Variants in GUCY1B1 observed in about 807,000 individuals in gnomAD.
GUCY1B1 encodes guanylate cyclase 1 soluble subunit beta 1, also known as guanylate cyclase soluble subunit beta-1.
GUCY1B1 carries 43 observed loss-of-function variants against 71.0 expected under a neutral mutation model. The observed-to-expected ratio is 0.61, with a 90% confidence interval of 0.47 to 0.78. The LOEUF (loss-of-function observed/expected upper bound fraction) is 0.78, where lower values mean the gene tolerates loss of function less well. GUCY1B1 is among the 30% of genes least tolerant of loss of function. The pLI is 0.00. For synonymous variants in GUCY1B1, 266 were observed against 259.7 expected, an observed-to-expected ratio of 1.02 and a Z score of -0.23; for missense variants, 535 against 754.1, an observed-to-expected ratio of 0.71 and a Z score of 3.40.
At position 155,793,357 on chromosome 4, in the gene GUCY1B1, G is replaced by A. The variant is rs192052426; in HGVS notation, c.496-499G>A. ...CTCCCAAAGTGCTAGGATTACAGGC[G>A]TGAGCCACTGCACCTGGCCTGGTAT... On this transcript the variant is annotated intron_variant, in intron 5 of 13. Coordinates refer to ENST00000264424, the MANE Select transcript of GUCY1B1 (RefSeq NM_000857.5). Among the ~76,000 whole-genome samples the A allele has an allele frequency of 2.7e-3, 413 of 152,266 alleles. 3 individuals carry two copies. The highest frequency in any genetic ancestry group is 5.8e-3 in the South Asian group (28 of 4,824).
In GUCY1B1 at chr4:155,802,504, C is replaced by T. The variant is rs146343051; in HGVS notation, c.1338C>T (p.Ile446=). Residue 446 remains isoleucine, a synonymous_variant, in exon 10 of 14, where the codon ATC becomes ATT. Transcript: ENST00000264424. This position sits in a 1 kb window ranked among gnomAD's most constrained non-coding sequence, Gnocchi z 4.3. ...KHASGEGAMK[I]VNLLNDLYTR... ...CATCTGGAGAAGGAGCCATGAAGAT[C>T]GTCAACCTCCTCAACGACCTCTACA... is the stretch of plus-strand genomic sequence containing the variant. 2.0e-4 allele frequency: 319 copies of T among 1,612,514 alleles called. 1 individual carries two copies. In the East Asian group the frequency reaches 5.7e-3, roughly 29 times the overall value.
At position 155,793,950 on chromosome 4, in the gene GUCY1B1, G is replaced by A. The variant is rs776233110; in HGVS notation, c.590G>A (p.Arg197Lys). 1 of 1,600,372 alleles carries A rather than the reference G, an allele frequency of 6.2e-7. No individual in the cohort carries two copies. Among genetic ancestry groups the A allele is most frequent in the East Asian group, 2.2e-5 (1 of 44,800 alleles). The change falls in exon 6 of 14, where the codon AGA (arginine) becomes AAA (lysine). Residue 197 changes from arginine (R) to lysine (K), a missense_variant. Arg to Lys is a conservative substitution (Grantham distance 26). Coordinates refer to ENST00000264424, the MANE Select transcript of GUCY1B1 (RefSeq NM_000857.5). ...GAGGATTTTTATGAAGATCTTGACA[G>A]ATTTGAAGAAAATGGTACCCAGGAA... ...KEEDFYEDLD[R>K]FEENGTQESR... is the part of the protein sequence containing the mutation.
At chr4:155,781,323 T>C (rs1202596458) in intron 4 of GUCY1B1, among the ~76,000 whole-genome samples, 1 of 152,206 alleles carries the variant, frequency 6.6e-6, no homozygotes, top group Non-Finnish European at 1.5e-5. Context: ...ATCTGTAGCT[T>C]AGCTCCAGAA....
At chr4:155,787,125 G>A (rs879867015) in intron 4 of GUCY1B1, among the ~76,000 whole-genome samples, 9 of 152,098 alleles carry the variant, frequency 5.9e-5, no homozygotes, top group Non-Finnish European at 8.8e-5. Context: ...CTATGAAGCA[G>A]TTCTCAGGTC....
intron 5 of GUCY1B1, among the ~76,000 whole-genome samples, chr4:155,791,530 A>T (rs1209770758): frequency 6.8e-6 from 1 of 146,984 alleles, no homozygotes; most frequent in Non-Finnish European, 1.5e-5. Context: ...GGAGATTGAG[A>T]CCATCCTGGC....
chr4:155,773,226 G>C (rs1737813542), intron 2 of GUCY1B1, among the ~76,000 whole-genome samples: 1 of 152,174 alleles, frequency 6.6e-6, no homozygotes, highest in South Asian at 2.1e-4. Context: ...CTGGAACTTA[G>C]TTCTTTTCTA....
chr4:155,763,297 C>T (rs1737121326), intron 2 of GUCY1B1, among the ~76,000 whole-genome samples: 2 of 152,092 alleles, frequency 1.3e-5, no homozygotes, highest in African/African-American at 2.4e-5. Flanking sequence ...CCTCTTGACT[C>T]GGCCTCCCAA....
chr4:155,792,809 A>C (rs1235738029), intron 5 of GUCY1B1, among the ~76,000 whole-genome samples: 1 of 152,120 alleles, frequency 6.6e-6, no homozygotes, highest in East Asian at 1.9e-4. Flanking sequence ...AAAGAAGAGG[A>C]AAATCTATAC....
At chr4:155,798,322 C>T (rs556119181) in intron 8 of GUCY1B1, among the ~76,000 whole-genome samples, 1 of 152,172 alleles carries the variant, frequency 6.6e-6, no homozygotes, top group East Asian at 1.9e-4. Flanking sequence ...TTTTTAGAAC[C>T]ACGAGACCGT....
At chr4:155,767,802 C>G (rs1333793669) in intron 2 of GUCY1B1, among the ~76,000 whole-genome samples, 1 of 152,100 alleles carries the variant, frequency 6.6e-6, no homozygotes, top group East Asian at 1.9e-4. Flanking sequence ...GCTATTCATG[C>G]TCCACAGCCA....
intron 11 of GUCY1B1, 136 bp downstream of exon 11, chr4:155,803,900 G>A: frequency 1.9e-6 from 1 of 526,222 alleles, no homozygotes; most frequent in East Asian, 3.3e-5. Context: ...ATTTCATCCA[G>A]CCCACTGTAC....
intron 8 of GUCY1B1, among the ~76,000 whole-genome samples, chr4:155,798,144 A>T (rs1214437200): frequency 6.6e-6 from 1 of 152,228 alleles, no homozygotes; most frequent in Non-Finnish European, 1.5e-5. Flanking sequence ...CCCAGTGAGA[A>T]AATTGCAGAT....
intron 2 of GUCY1B1, among the ~76,000 whole-genome samples, chr4:155,767,848 G>C (rs929944337): frequency 6.6e-6 from 1 of 151,996 alleles, no homozygotes; most frequent in Non-Finnish European, 1.5e-5. Flanking sequence ...TACTTTTTTA[G>C]ATGTTATATA....
chr4:155,793,411 G>A (rs993866915), intron 5 of GUCY1B1, among the ~76,000 whole-genome samples: 3 of 152,146 alleles, frequency 2.0e-5, no homozygotes, highest in African/African-American at 4.8e-5. Flanking sequence ...ATAGTTGATG[G>A]TTAAAAATGA....
rs1740196541 is a variant in GUCY1B1, at chr4:155,804,681, AC to A, written c.1645del (p.Leu549SerfsTer14). 1 of 1,613,320 alleles carries A rather than the reference AC, an allele frequency of 6.2e-7. No homozygotes were observed. The highest frequency in any genetic ancestry group is 1.7e-5 in the Admixed American group (1 of 59,930). ...TACTGTCTTTTTGGGAATACTGTCA[AC>A]CTCACAAGCCGAACAGAAACCACAG... ...PRYCLFGNTV[N>X]LTSRTETTGE... is the part of the protein sequence containing the mutation. On this transcript the variant is annotated frameshift_variant, in exon 12 of 14. Transcript: ENST00000264424. LOFTEE classifies it high-confidence loss of function.
chr4:155,805,068 A>G (rs773097654), intron 12 of GUCY1B1, 35 bp from the exon 13 acceptor site: 31 of 1,587,804 alleles, frequency 2.0e-5, no homozygotes, highest in Non-Finnish European at 2.6e-5. Context: ...ACTTGTGTAT[A>G]CTTCTCTCTC....
Position 155,759,486 on chromosome 4 carries a change from C to T in GUCY1B1, c.4-301C>T, listed in dbSNP as rs569829635. ...TGAGCGCCAGCGGAAGGGAAGGCTC[C>T]GGGTTCGCGTCCCCGCGCTGCCCCC... On this transcript the variant is annotated intron_variant, in intron 1 of 13. Transcript: ENST00000264424. 231 of 499,006 alleles carry T rather than the reference C, an allele frequency of 4.6e-4. 4 individuals are homozygous for T. The highest frequency in any genetic ancestry group is 4.3e-4 in the Non-Finnish European group (124 of 286,362). 30.9% of individuals were successfully genotyped at this position (499,006 alleles called of 1,614,324 possible). A position where few individuals can be genotyped will look rare whatever the true frequency, so the allele number is the denominator to read the frequency against.
At chr4:155,794,691 T>G (rs998527584) in intron 6 of GUCY1B1, among the ~76,000 whole-genome samples, 5 of 152,200 alleles carry the variant, frequency 3.3e-5, no homozygotes, top group African/African-American at 1.2e-4. Flanking sequence ...TACTTTTTGC[T>G]TGTAATTAAA....
In GUCY1B1 at chr4:155,774,959, G is replaced by A. The variant is rs770118275; in HGVS notation, c.78-9G>A. On this transcript the variant is annotated splice_polypyrimidine_tract_variant and intron_variant, in intron 2 of 13. Transcript: ENST00000264424. ...TTTCTCTTCTGTCTTTCTTGTTTTTGTTTTCCAGAAAAGAGGCACAGTTAG... is the reference window on the plus strand; with the variant it reads ...TTTCTCTTCTGTCTTTCTTGTTTTTATTTTCCAGAAAAGAGGCACAGTTAG... 5 of 1,441,280 alleles carry A rather than the reference G, an allele frequency of 3.5e-6. No homozygotes were observed. Among genetic ancestry groups the A allele is most frequent in the East Asian group, 4.5e-5 (2 of 44,060 alleles). 89.3% of individuals were successfully genotyped at this position (1,441,280 alleles called of 1,614,324 possible).
Sources: allele counts gnomAD v4.1 joint callset (sites outside exome capture counted in the v4.1 genomes callset), GRCh38; gene constraint gnomAD v4.1.1; non-coding constraint Gnocchi (gnomAD v3.1); transcripts MANE v1.5; gene names NCBI Gene and HGNC (gene_info 2026-07-23, HGNC 2026-07-21).